The following PCSK5 variants were observed in gnomAD, a reference collection of about 807,000 sequenced individuals.
The protein encoded by PCSK5 is proprotein convertase subtilisin/kexin type 5.
A neutral mutation model predicts 233.2 loss-of-function variants in PCSK5; 129 were observed. The observed-to-expected ratio is 0.55, with a 90% CI of 0.48 to 0.64. PCSK5 has a LOEUF of 0.64. PCSK5 is among the 30% of genes least tolerant of loss of function. The pLI is 0.00. For missense variants in PCSK5, 2,076 were observed against 2,430.1 expected (o/e 0.85, Z 3.06); for synonymous variants, 825 against 879.2 (o/e 0.94, Z 1.09).
At chr9:76,162,335 A>C (rs1822897773) in intron 12 of PCSK5, among the ~76,000 whole-genome samples, 1 of 152,174 alleles carries the variant, frequency 6.6e-6, no homozygotes, top group Admixed American at 6.5e-5. Context: ...TCATTAGAGG[A>C]AACTTCTCCT....
intron 5 of PCSK5, among the ~76,000 whole-genome samples, chr9:76,062,120 C>T (rs1354391327): frequency 1.3e-5 from 2 of 152,040 alleles, no homozygotes; most frequent in Admixed American, 6.6e-5. Flanking sequence ...TGGTGGTGCA[C>T]ACCTGTAGTC....
intron 2 of PCSK5, among the ~76,000 whole-genome samples, chr9:75,958,698 C>T (rs1825203687): frequency 6.6e-6 from 1 of 152,168 alleles, no homozygotes; most frequent in African/African-American, 2.4e-5. Context: ...CTGTCTCTGT[C>T]TTTCATTGAC....
chr9:76,115,944 C>T (rs985436320), intron 9 of PCSK5, among the ~76,000 whole-genome samples: 1 of 152,002 alleles, frequency 6.6e-6, no homozygotes, highest in African/African-American at 2.4e-5. Context: ...ATTTTTGTCA[C>T]ATAAAAGTTA....
chr9:76,247,906 T>C (rs1413283455), intron 24 of PCSK5, among the ~76,000 whole-genome samples: 1 of 151,968 alleles, frequency 6.6e-6, no homozygotes, highest in Non-Finnish European at 1.5e-5. Context: ...TGCCTCAGCC[T>C]CCCAAGTAGC....
chr9:76,001,435 T>C (rs2131428446), intron 3 of PCSK5, among the ~76,000 whole-genome samples: 1 of 149,972 alleles, frequency 6.7e-6, no homozygotes, highest in African/African-American at 2.4e-5. Flanking sequence ...TTGTTACATA[T>C]TACATGATTT....
chr9:75,971,593 C>T (rs1180576597), intron 2 of PCSK5, among the ~76,000 whole-genome samples: 1 of 152,186 alleles, frequency 6.6e-6, no homozygotes, highest in Non-Finnish European at 1.5e-5. Context: ...TCACCAGCAT[C>T]TGTTGTTTCT....
chr9:76,297,236 G>A lies in PCSK5; in HGVS notation c.3523+371G>A, dbSNP rs117436172. On this transcript the variant is annotated intron_variant, in intron 27 of 37. Coordinates refer to ENST00000674117, the MANE Select transcript of PCSK5 (RefSeq NM_001372043.1). ...CACTTCTATCACAGGCATGTCCTAC[G>A]TCCTTATTACATGTCCTTTTTACAG... 4.3e-3 allele frequency among the ~76,000 whole-genome samples: 652 copies of A among 152,308 alleles called. 4 individuals are homozygous for A. Among genetic ancestry groups the A allele is most frequent in the Non-Finnish European group, 6.8e-3 (464 of 68,032 alleles).
chr9:76,032,550 C>T (rs1828693606), intron 5 of PCSK5, among the ~76,000 whole-genome samples: 1 of 152,118 alleles, frequency 6.6e-6, no homozygotes, highest in African/African-American at 2.4e-5. Context: ...GTCACTTTTG[C>T]AAGTTCCCAA....
intron 20 of PCSK5, among the ~76,000 whole-genome samples, chr9:76,198,867 A>G (rs1286869457): frequency 2.0e-5 from 3 of 152,228 alleles, no homozygotes; most frequent in African/African-American, 7.2e-5. Context: ...GTCAGGAGTC[A>G]AAGGAGCAAG....
chr9:76,168,613 G>A lies in PCSK5; in HGVS notation c.1620-1091G>A, dbSNP rs1453471472. Among the ~76,000 whole-genome samples the A allele has an allele frequency of 2.6e-5, 4 of 152,162 alleles. No homozygotes were observed. In the South Asian group the frequency reaches 6.2e-4, roughly 24 times the overall value. ...GGAAGAGATTTTAAACTGCAAATTC[G>A]GAGCTTTGGAAATCACTGGAAGGAC... is the stretch of plus-strand genomic sequence containing the variant. On this transcript the variant is annotated intron_variant, in intron 12 of 37. Transcript: ENST00000674117.
At chr9:75,937,512 T>A (rs1319331078) in intron 2 of PCSK5, among the ~76,000 whole-genome samples, 1 of 152,154 alleles carries the variant, frequency 6.6e-6, no homozygotes, top group Admixed American at 6.6e-5. Flanking sequence ...GGCCCTAGGA[T>A]TTTTTAGAAT....
At chr9:75,919,523 G>T (rs925683298) in intron 1 of PCSK5, among the ~76,000 whole-genome samples, 5 of 152,182 alleles carry the variant, frequency 3.3e-5, no homozygotes, top group African/African-American at 1.2e-4. Context: ...ATGTGAAACT[G>T]CCAAACTGTT....
At chr9:76,200,922 C>T (rs1199969928) in intron 20 of PCSK5, among the ~76,000 whole-genome samples, 4 of 152,300 alleles carry the variant, frequency 2.6e-5, no homozygotes, top group African/African-American at 9.6e-5. Flanking sequence ...GCCCAAGGAC[C>T]CCATCAAGTC....
intron 30 of PCSK5, among the ~76,000 whole-genome samples, chr9:76,314,641 T>C (rs2131445168): frequency 6.6e-6 from 1 of 150,958 alleles, no homozygotes; most frequent in Non-Finnish European, 1.5e-5. Context: ...AAAAAAAAAG[T>C]GTTTGTTTTT....
At chr9:76,020,525 T>G (rs776142258) in intron 3 of PCSK5, among the ~76,000 whole-genome samples, 1 of 152,206 alleles carries the variant, frequency 6.6e-6, no homozygotes, top group Non-Finnish European at 1.5e-5. Context: ...GTCATCTGTA[T>G]TTTGGTGGCT....
At chr9:75,958,652 T>C (rs899858405) in intron 2 of PCSK5, among the ~76,000 whole-genome samples, 4 of 152,210 alleles carry the variant, frequency 2.6e-5, no homozygotes, top group Non-Finnish European at 5.9e-5. Context: ...CCATGGAAGA[T>C]TCTGGACCCT....
intron 2 of PCSK5, among the ~76,000 whole-genome samples, chr9:75,944,112 G>A (rs905024070): frequency 2.6e-5 from 4 of 151,606 alleles, no homozygotes; most frequent in African/African-American, 7.3e-5. Context: ...GCAGTGAGCC[G>A]AGATTACACC....
intron 30 of PCSK5, among the ~76,000 whole-genome samples, chr9:76,320,749 C>T (rs1315380688): frequency 4.0e-5 from 6 of 151,762 alleles, no homozygotes; most frequent in Non-Finnish European, 5.9e-5. Context: ...GCTGGGATTA[C>T]AGGCATGAGC....
chr9:76,261,540 TC>T (rs1415097348), intron 24 of PCSK5, among the ~76,000 whole-genome samples: 3 of 152,148 alleles, frequency 2.0e-5, no homozygotes, highest in Non-Finnish European at 4.4e-5. Flanking sequence ...CTTCCTGCCC[TC>T]ACAAATATGT....
Sources: allele counts gnomAD v4.1 joint callset (sites outside exome capture counted in the v4.1 genomes callset), GRCh38; gene constraint gnomAD v4.1.1; transcripts MANE v1.5; gene names NCBI Gene and HGNC (gene_info 2026-07-23, HGNC 2026-07-21).